ULK4: variants seen among roughly 807,000 people sequenced by gnomAD.
The protein encoded by ULK4 is unc-51 like kinase 4.
In ULK4, 133 loss-of-function variants were observed where a neutral mutation model predicts 160.6. That is an observed-to-expected ratio of 0.83 (90% CI 0.72 to 0.96). The LOEUF is 0.96. ULK4 is among the 40% of genes least tolerant of loss of function. The pLI is 0.00. For missense variants in ULK4, 1,580 were observed against 1,499.5 expected (o/e 1.05, Z -0.89); for synonymous variants, 534 against 539.8 (o/e 0.99, Z 0.15).
chr3:41,695,093 C>T (rs897076091), intron 27 of ULK4, among the ~76,000 whole-genome samples: 1 of 152,172 alleles, frequency 6.6e-6, no homozygotes, highest in East Asian at 1.9e-4. Flanking sequence ...TGTGTCCTCA[C>T]ATGGCAGAAG....
intron 32 of ULK4, among the ~76,000 whole-genome samples, chr3:41,483,951 G>C (rs911757283): frequency 1.3e-5 from 2 of 152,160 alleles, no homozygotes; most frequent in African/African-American, 4.8e-5. Flanking sequence ...GTTTTCCAAG[G>C]CAAGGAAACA....
intron 35 of ULK4, among the ~76,000 whole-genome samples, chr3:41,372,153 C>A (rs2081382376): frequency 6.6e-6 from 1 of 151,952 alleles, no homozygotes; most frequent in South Asian, 2.1e-4. Context: ...TGTGAAAAGA[C>A]CAAACCTACA....
intron 34 of ULK4, among the ~76,000 whole-genome samples, chr3:41,400,897 T>G (rs1465104961): frequency 6.6e-6 from 1 of 152,206 alleles, no homozygotes; most frequent in Non-Finnish European, 1.5e-5. Context: ...TGGTGGTATC[T>G]CATTGTAGTT....
chr3:41,807,571 C>T (rs941467297), intron 19 of ULK4, among the ~76,000 whole-genome samples: 2 of 152,060 alleles, frequency 1.3e-5, no homozygotes, highest in Admixed American at 1.3e-4. Flanking sequence ...TGAAGATTAA[C>T]AAAACACAAG....
chr3:41,847,584 T>C (rs1380775307), intron 17 of ULK4, among the ~76,000 whole-genome samples: 1 of 152,204 alleles, frequency 6.6e-6, no homozygotes, highest in Non-Finnish European at 1.5e-5. Context: ...ATAAGAGGCA[T>C]TCCACAATCC....
intron 32 of ULK4, among the ~76,000 whole-genome samples, chr3:41,516,973 T>G (rs2085770888): frequency 6.6e-6 from 1 of 152,092 alleles, no homozygotes; most frequent in African/African-American, 2.4e-5. Context: ...CCATAAACAA[T>G]TTTTTAAAGG....
At position 41,800,174 on chromosome 3, in the gene ULK4, G is replaced by A; in HGVS notation, c.1968C>T (p.Phe656=). The A allele has an allele frequency of 1.2e-6, 2 of 1,613,802 alleles. No individual in the cohort carries two copies. Among genetic ancestry groups the A allele is most frequent in the South Asian group, 1.1e-5 (1 of 91,014 alleles). ...GEIGPILWYL[F]RHSTADSLRI... Reference sequence around the variant, plus strand: ...TAAGAGAATCAGCAGTGGAGTGTCTGAATAGGTACCACAAAATGGGTCCTA... The same window carrying A: ...TAAGAGAATCAGCAGTGGAGTGTCTAAATAGGTACCACAAAATGGGTCCTA... Residue 656 remains phenylalanine (F), a synonymous_variant, in exon 20 of 37, where the codon TTC becomes TTT. Coordinates refer to ENST00000301831, the MANE Select transcript of ULK4 (RefSeq NM_017886.4).
chr3:41,696,051 C>T (rs2036486613), intron 27 of ULK4, among the ~76,000 whole-genome samples: 1 of 152,162 alleles, frequency 6.6e-6, no homozygotes, highest in Admixed American at 6.5e-5. Context: ...CGTGGTCTAG[C>T]AGTAGCCTCA....
intron 35 of ULK4, among the ~76,000 whole-genome samples, chr3:41,305,557 T>C (rs1172599424): frequency 6.6e-6 from 1 of 152,196 alleles, no homozygotes; most frequent in Non-Finnish European, 1.5e-5. Flanking sequence ...AGTGGCGTGA[T>C]CTCGGCTCGC....
chr3:41,956,629 G>C (rs1196495737), intron 1 of ULK4, among the ~76,000 whole-genome samples: 1 of 152,032 alleles, frequency 6.6e-6, no homozygotes, highest in Non-Finnish European at 1.5e-5. Context: ...AGAAGTAAAA[G>C]AGAAAACAAG....
At chr3:41,589,376 G>T (rs573546055) in intron 31 of ULK4, among the ~76,000 whole-genome samples, 1 of 126,570 alleles carries the variant, frequency 7.9e-6, no homozygotes, top group Admixed American at 9.3e-5. Context: ...GGTTCCAGTG[G>T]ATTTTTGAAA....
intron 31 of ULK4, among the ~76,000 whole-genome samples, chr3:41,585,533 G>GATT (rs763244508): frequency 3.3e-5 from 5 of 152,122 alleles, no homozygotes; most frequent in African/African-American, 4.8e-5. Flanking sequence ...ATGGATTAAA[G>GATT]ACATAAATGT....
chr3:41,384,998 T>TC (rs2081770908), intron 35 of ULK4, among the ~76,000 whole-genome samples: 3 of 151,858 alleles, frequency 2.0e-5, no homozygotes, highest in African/African-American at 4.8e-5. Flanking sequence ...AAGGCTGCAG[T>TC]CCCCATGAGG....
intron 35 of ULK4, among the ~76,000 whole-genome samples, chr3:41,334,140 G>A (rs1043186899): frequency 2.0e-5 from 3 of 152,146 alleles, no homozygotes; most frequent in Admixed American, 2.0e-4. Context: ...CCCCAATTGT[G>A]TATTATGAGA....
intron 27 of ULK4, among the ~76,000 whole-genome samples, chr3:41,684,327 G>A (rs1318078857): frequency 2.0e-5 from 3 of 152,174 alleles, no homozygotes; most frequent in Non-Finnish European, 4.4e-5. Context: ...TTGTCTCAAG[G>A]TCTATGACCC....
At chr3:41,654,693 G>A (rs1295838672) in intron 30 of ULK4, among the ~76,000 whole-genome samples, 1 of 152,148 alleles carries the variant, frequency 6.6e-6, no homozygotes, top group Non-Finnish European at 1.5e-5. Context: ...GCGTTATCCC[G>A]TGAAATTCCA....
chr3:41,269,175 T>G (rs2079096430), intron 35 of ULK4, among the ~76,000 whole-genome samples: 1 of 152,146 alleles, frequency 6.6e-6, no homozygotes, highest in Admixed American at 6.5e-5. Context: ...CAAAAAGATG[T>G]GTGATGAGCA....
intron 32 of ULK4, 68 bp downstream of exon 32, chr3:41,565,957 C>T: frequency 2.5e-6 from 3 of 1,218,690 alleles, no homozygotes; most frequent in Non-Finnish European, 3.6e-6. Context: ...TTCTAGACTC[C>T]ACGCTATATA....
At chr3:41,626,438 A>T (rs2033509896) in intron 30 of ULK4, among the ~76,000 whole-genome samples, 1 of 151,948 alleles carries the variant, frequency 6.6e-6, no homozygotes, top group African/African-American at 2.4e-5. Flanking sequence ...TCTTAAGATG[A>T]TTTTGTCACG....
Sources: gnomAD v4.1 joint callset for allele counts (sites outside exome capture counted in the v4.1 genomes callset) on GRCh38, gnomAD v4.1.1 for gene constraint, MANE v1.5 for transcripts, NCBI Gene and HGNC (gene_info 2026-07-23, HGNC 2026-07-21) for gene names.